Variants in PLEKHG1 observed in about 807,000 individuals in gnomAD.
PLEKHG1 encodes the protein pleckstrin homology domain-containing family G member 1.
A neutral mutation model predicts 100.8 loss-of-function variants in PLEKHG1; 44 were observed. The observed-to-expected ratio is 0.44, with a 90% confidence interval of 0.34 to 0.56. The LOEUF (loss-of-function observed/expected upper bound fraction) is 0.56. Among genes scored for constraint, PLEKHG1 ranks in the 20% least tolerant of loss-of-function variants. The pLI is 0.01. For missense variants in PLEKHG1, 1,545 were observed against 1,720.9 expected (o/e 0.90, Z 1.81); for synonymous variants, 640 against 662.5 (o/e 0.97, Z 0.52).
intron 1 of PLEKHG1, among the ~76,000 whole-genome samples, chr6:150,606,090 C>G (rs1335804953): frequency 6.6e-6 from 1 of 152,156 alleles, no homozygotes; most frequent in Non-Finnish European, 1.5e-5. Flanking sequence ...CATTTATGAT[C>G]TAATGTATTT....
chr6:150,669,946 C>T (rs1779528767), intron 3 of PLEKHG1, among the ~76,000 whole-genome samples: 1 of 152,162 alleles, frequency 6.6e-6, no homozygotes, highest in Non-Finnish European at 1.5e-5. Flanking sequence ...AAATGCTCTT[C>T]ATGTGGACAT....
chr6:150,754,669 C>CTTTCTT (rs1723029112), intron 2 of PLEKHG1, among the ~76,000 whole-genome samples: 1 of 134,928 alleles, frequency 7.4e-6, no homozygotes, highest in Non-Finnish European at 1.6e-5. Context: ...GACTTTCTTT[C>CTTTCTT]TTTTTTTTTT....
intron 6 of PLEKHG1, 22 bp from the exon 8 acceptor site, chr6:150,804,584 AAAAC>A (rs1472223105): frequency 1.3e-6 from 2 of 1,552,642 alleles, no homozygotes; most frequent in Non-Finnish European, 1.7e-6. Context: ...GAAAAAAAAA[AAAAC>A]CCTCGTTCTT....
chr6:150,678,328 C>T (rs62434123), intron 3 of PLEKHG1, among the ~76,000 whole-genome samples: 17,818 of 151,760 alleles, frequency 0.12, 1,258 homozygotes, highest in African/African-American at 0.19. Flanking sequence ...TGTTTTAAAA[C>T]TATTCCCAAT....
At chr6:150,795,395 C>CA (rs34535873) in intron 4 of PLEKHG1, among the ~76,000 whole-genome samples, 102,222 of 143,320 alleles carry the variant, frequency 0.71, 36,622 homozygotes, top group East Asian at 0.95. Context: ...GATTCCATCT[C>CA]AAAAAAAAAA....
chr6:150,806,998 G>T (rs6922806), intron 7 of PLEKHG1, among the ~76,000 whole-genome samples: 3 of 151,870 alleles, frequency 2.0e-5, no homozygotes, highest in Non-Finnish European at 2.9e-5. Flanking sequence ...ACTGCCTACG[G>T]CCACTCACCT....
In PLEKHG1 at chr6:150,681,746, G is replaced by A. The variant is rs538957873; in HGVS notation, c.-99+30960G>A. Among the ~76,000 whole-genome samples the A allele has an allele frequency of 3.3e-5, 5 of 152,136 alleles. No individual in the cohort carries two copies. In the East Asian group the frequency reaches 5.8e-4, roughly 18 times the overall value. ...CCGGTGGTGTCTGAGAGAACCCAGC[G>A]ATTCGGAGCCAACTTGAGGCCCTGT... On this transcript the variant is annotated intron_variant, in intron 3 of 3. Transcript: ENST00000367326.
intron 1 of PLEKHG1, among the ~76,000 whole-genome samples, chr6:150,603,186 A>G (rs1776440470): frequency 6.6e-6 from 1 of 152,028 alleles, no homozygotes; most frequent in African/African-American, 2.4e-5. Flanking sequence ...GTATTCAGGC[A>G]GGGATGGGAA....
At chr6:150,649,862 A>G (rs1401005894) in intron 2 of PLEKHG1, among the ~76,000 whole-genome samples, 1 of 152,180 alleles carries the variant, frequency 6.6e-6, no homozygotes, top group Non-Finnish European at 1.5e-5. Flanking sequence ...ATACAAAAAA[A>G]TTAGCCGGGC....
intron 2 of PLEKHG1, among the ~76,000 whole-genome samples, chr6:150,763,457 C>A (rs1413268615): frequency 6.6e-6 from 1 of 152,194 alleles, no homozygotes; most frequent in Non-Finnish European, 1.5e-5. Flanking sequence ...AATGAGCCAG[C>A]CTGAGCACAT....
chr6:150,668,327 A>G (rs929679399), intron 3 of PLEKHG1, among the ~76,000 whole-genome samples: 12 of 152,232 alleles, frequency 7.9e-5, no homozygotes, highest in African/African-American at 2.9e-4. Context: ...TGGCTCCCTC[A>G]AAGATTTTTC....
intron 1 of PLEKHG1, among the ~76,000 whole-genome samples, chr6:150,723,909 T>G (rs898357763): frequency 3.2e-4 from 48 of 152,244 alleles, no homozygotes; most frequent in African/African-American, 1.1e-3. Flanking sequence ...TGGGGTCATC[T>G]GAAAGGCTTC....
intron 10 of PLEKHG1, among the ~76,000 whole-genome samples, chr6:150,815,367 C>CA (rs992313128): frequency 5.3e-5 from 8 of 151,008 alleles, no homozygotes; most frequent in African/African-American, 1.2e-4. Context: ...AATGTCCAGA[C>CA]AAAAAAAAAT....
Position 150,823,695 on chromosome 6 carries a change from C to T in PLEKHG1, c.1470+19C>T. 1 of 1,603,896 alleles carries T rather than the reference C, an allele frequency of 6.2e-7. No individual in the cohort carries two copies. Among genetic ancestry groups the T allele is most frequent in the South Asian group, 1.1e-5 (1 of 90,752 alleles). The stretch of plus-strand genomic sequence containing the variant: ...CCAAAAGGTAAGCTCTATCTCATTT[C>T]TTACTTGGAAATGTTCACTTCAGGC... On this transcript the variant is annotated intron_variant, in intron 14 of 15. Coordinates refer to ENST00000358517, the Ensembl canonical transcript of PLEKHG1.
At chr6:150,694,711 AT>A (rs1689419135) in intron 3 of PLEKHG1, among the ~76,000 whole-genome samples, 2 of 151,600 alleles carry the variant, frequency 1.3e-5, no homozygotes, top group Admixed American at 6.6e-5. Context: ...AAAAAAAAAA[AT>A]AAAAATAAAA....
At chr6:150,811,980 G>GAA (rs1787559168) in intron 10 of PLEKHG1, among the ~76,000 whole-genome samples, 1 of 152,202 alleles carries the variant, frequency 6.6e-6, no homozygotes, top group Non-Finnish European at 1.5e-5. Flanking sequence ...CAGTGCTGCC[G>GAA]TGGAGCCACA....
At chr6:150,643,621 A>G (rs1368166900) in intron 2 of PLEKHG1, among the ~76,000 whole-genome samples, 1 of 152,216 alleles carries the variant, frequency 6.6e-6, no homozygotes, top group Non-Finnish European at 1.5e-5. Context: ...ACTGAAAACA[A>G]TTCAATGGAT....
At position 150,827,772 on chromosome 6, in the gene PLEKHG1, C is replaced by T; in HGVS notation, c.1471-2810C>T. On this transcript the variant is annotated intron_variant, in intron 14 of 15. Transcript: ENST00000358517. ...ATTGGAAGAGGAGGCAGAAGAGGAGCAGCGCATCCTCCAGCAGTCAGTGGT... is the reference window on the plus strand; with the variant it reads ...ATTGGAAGAGGAGGCAGAAGAGGAGTAGCGCATCCTCCAGCAGTCAGTGGT... 2.1e-6 allele frequency: 3 copies of T among 1,423,488 alleles called. No individual in the cohort carries two copies. In the South Asian group the frequency reaches 3.5e-5, roughly 16 times the overall value. 88.2% of individuals were successfully genotyped at this position (1,423,488 alleles called of 1,614,324 possible).
chr6:150,621,927 C>T (rs1310047765), intron 1 of PLEKHG1, among the ~76,000 whole-genome samples: 1 of 152,146 alleles, frequency 6.6e-6, no homozygotes, highest in African/African-American at 2.4e-5. Context: ...CTGGTCTTAC[C>T]GTGTTGCGTC....
Sources: allele counts gnomAD v4.1 joint callset (sites outside exome capture counted in the v4.1 genomes callset), GRCh38; gene constraint gnomAD v4.1.1; transcripts MANE v1.5; gene names NCBI Gene and HGNC (gene_info 2026-07-23, HGNC 2026-07-21).